BACH2: variants seen among roughly 807,000 people sequenced by gnomAD.
The protein encoded by BACH2 is transcription regulator protein BACH2.
Under a neutral mutation model 61.8 loss-of-function variants are expected in BACH2, and 5 were observed. The ratio of observed to expected loss-of-function variants is 0.08; its 90% CI spans 0.04 to 0.17. BACH2 has a LOEUF of 0.17. BACH2 is among the 10% of genes least tolerant of loss of function. The pLI is 1.00. For missense variants in BACH2, 824 were observed against 1,091.1 expected, an observed-to-expected ratio of 0.76 and a Z score of 3.45; for synonymous variants, 446 against 440.1, an observed-to-expected ratio of 1.01 and a Z score of -0.17.
intron 4 of BACH2, among the ~76,000 whole-genome samples, chr6:90,117,980 T>C (rs965136086): frequency 2.0e-5 from 3 of 152,190 alleles, no homozygotes; most frequent in Admixed American, 2.0e-4. Flanking sequence ...TTAACAAGCA[T>C]CTAACTTATA....
Position 89,951,324 on chromosome 6 carries a change from T to C in BACH2, c.782A>G (p.Asn261Ser), listed in dbSNP as rs772104897. 3.7e-6 allele frequency: 6 copies of C among 1,614,168 alleles called. No homozygotes were observed. The highest frequency in any genetic ancestry group is 5.1e-6 in the Non-Finnish European group (6 of 1,180,022). ...SGFASTFREDNSSNSLKPGLA... is the reference protein window; with the variant it reads ...SGFASTFREDSSSNSLKPGLA... ...CCCCGGCTTGAGGCTGTTGCTAGAG[T>C]TATCTTCCCGGAATGTGCTTGCAAA... Residue 261 changes from asparagine (N) to serine (S), a missense_variant, in exon 7 of 9, where the codon AAC (asparagine) becomes AGC (serine). Around this residue, in one of 8 missense-constraint regions of BACH2, gnomAD observed 226 missense variants for 228.5 expected, o/e 0.99. Transcript: ENST00000257749. The surrounding 1 kb of genome is among the most constrained non-coding windows in gnomAD (Gnocchi z 6.4).
At chr6:90,045,079 G>T (rs1019513652) in intron 5 of BACH2, among the ~76,000 whole-genome samples, 1 of 152,216 alleles carries the variant, frequency 6.6e-6, no homozygotes, top group Non-Finnish European at 1.5e-5. Flanking sequence ...GCTCAGGAAG[G>T]AAACTGTTAT....
intron 4 of BACH2, among the ~76,000 whole-genome samples, chr6:90,093,748 T>A (rs1486929071): frequency 6.6e-6 from 1 of 152,164 alleles, no homozygotes; most frequent in African/African-American, 2.4e-5. Context: ...CATGTTTAGG[T>A]GTCTCAGAAC....
At chr6:90,188,734 G>C (rs1273385513) in intron 4 of BACH2, among the ~76,000 whole-genome samples, 1 of 117,438 alleles carries the variant, frequency 8.5e-6, no homozygotes, top group African/African-American at 3.3e-5. Flanking sequence ...TACCAATCTA[G>C]TAATAAGGTC....
intron 5 of BACH2, among the ~76,000 whole-genome samples, chr6:90,083,838 T>C (rs577808592): frequency 6.6e-6 from 1 of 152,326 alleles, no homozygotes; most frequent in Non-Finnish European, 1.5e-5. Flanking sequence ...TTAGACTATT[T>C]GAGGACAAGA....
intron 1 of BACH2, among the ~76,000 whole-genome samples, chr6:90,295,797 T>C (rs1772340278): frequency 6.6e-6 from 1 of 152,194 alleles, no homozygotes; most frequent in Non-Finnish European, 1.5e-5. Context: ...AACCCGATCT[T>C]TCGCTAGGAG....
At chr6:90,053,662 T>A (rs1386916669) in intron 5 of BACH2, among the ~76,000 whole-genome samples, 1 of 152,208 alleles carries the variant, frequency 6.6e-6, no homozygotes, top group Non-Finnish European at 1.5e-5. Flanking sequence ...AGAAAATACT[T>A]CACTCTCATT....
chr6:90,261,400 AC>A (rs781315969), intron 2 of BACH2, among the ~76,000 whole-genome samples: 2 of 152,070 alleles, frequency 1.3e-5, no homozygotes, highest in Non-Finnish European at 2.9e-5. Flanking sequence ...TTCCTTGACA[AC>A]TCTTGCTCTC....
rs144040366 is a variant in BACH2 at position 90,269,821 on chromosome 6, C to T, written c.-353+2028G>A. On this transcript the variant is annotated intron_variant, in intron 2 of 8. Transcript: ENST00000257749. ...TGATGGCCCCGGTGAGTGGGACACACGCTGGGCAGCTGTGTGAACTTTTAA... is the reference window on the plus strand; with the variant it reads ...TGATGGCCCCGGTGAGTGGGACACATGCTGGGCAGCTGTGTGAACTTTTAA... Among the ~76,000 whole-genome samples the T allele has an allele frequency of 6.5e-3, 991 of 152,266 alleles. 16 individuals carry two copies. Among genetic ancestry groups the T allele is most frequent in the Non-Finnish European group, 7.3e-3 (498 of 68,038 alleles).
At chr6:90,224,945 A>T (rs1472854082) in intron 3 of BACH2, among the ~76,000 whole-genome samples, 1 of 152,216 alleles carries the variant, frequency 6.6e-6, no homozygotes, top group Non-Finnish European at 1.5e-5. Context: ...AGAATTTAAA[A>T]GGCTGGGACC....
In BACH2 at chr6:90,009,000, A is replaced by G. The variant is rs927399237; in HGVS notation, c.-12-144T>C. The G allele has an allele frequency of 3.8e-5, 38 of 996,802 alleles. No homozygotes were observed. In the African/African-American group the frequency reaches 4.6e-4, roughly 12 times the overall value. The allele number at this position is 996,802 out of a possible 1,614,324, so 61.7% of individuals were successfully genotyped here. A position where few individuals can be genotyped will look rare whatever the true frequency, so the allele number is the denominator to read the frequency against. On this transcript the variant is annotated intron_variant, in intron 5 of 8. Coordinates refer to ENST00000257749, the MANE Select transcript of BACH2 (RefSeq NM_021813.4). This position sits in a 1 kb window ranked among gnomAD's most constrained non-coding sequence, Gnocchi z 4.1. ...ATGGCAGGAAGGAGGGGAATTACCA[A>G]TCAGCATATTTGTGCTTACTCTGTA...
chr6:89,947,783 G>A (rs1034138607), intron 7 of BACH2, among the ~76,000 whole-genome samples: 8 of 151,982 alleles, frequency 5.3e-5, no homozygotes, highest in Non-Finnish European at 5.9e-5. Flanking sequence ...GTGTTAGCCA[G>A]GATGGTCTCG....
At chr6:90,067,302 T>C (rs1466608640) in intron 5 of BACH2, among the ~76,000 whole-genome samples, 1 of 152,144 alleles carries the variant, frequency 6.6e-6, no homozygotes. Context: ...AGTTTGGCTG[T>C]TGCAAGGTGG....
chr6:90,020,660 C>T (rs909099923), intron 5 of BACH2, among the ~76,000 whole-genome samples: 4 of 150,688 alleles, frequency 2.7e-5, no homozygotes, highest in African/African-American at 9.8e-5. Flanking sequence ...GACAGGTGCT[C>T]TTCTATGAAC....
chr6:90,109,914 A>C (rs1007698863), intron 4 of BACH2, among the ~76,000 whole-genome samples: 4 of 152,208 alleles, frequency 2.6e-5, no homozygotes, highest in Non-Finnish European at 5.9e-5. Context: ...CCATATTAGA[A>C]ATTAAAACAA....
At chr6:90,218,482 C>T (rs931233113) in intron 3 of BACH2, among the ~76,000 whole-genome samples, 6 of 151,750 alleles carry the variant, frequency 4.0e-5, no homozygotes, top group African/African-American at 1.5e-4. Flanking sequence ...CCTCTTCCCC[C>T]ACCCTCCTCT....
chr6:90,123,743 C>T lies in BACH2; in HGVS notation c.-161-34634G>A, dbSNP rs374474215. Among the ~76,000 whole-genome samples the T allele has an allele frequency of 1.7e-3, 209 of 120,332 alleles. 2 individuals carry two copies. The South Asian group carries it at 0.036, about 21-fold the overall frequency. The allele number at this position is 120,332 out of a possible 152,430, so 78.9% of individuals were successfully genotyped here. On this transcript the variant is annotated intron_variant, in intron 4 of 8. Transcript: ENST00000257749. ...CGAGATCCCGCCACTGCACTCCAGC[C>T]TGGGCGACAGAGCGAGACTCCGTCT...
At chr6:90,131,674 A>G (rs999163652) in intron 4 of BACH2, among the ~76,000 whole-genome samples, 1 of 152,214 alleles carries the variant, frequency 6.6e-6, no homozygotes, top group Non-Finnish European at 1.5e-5. Flanking sequence ...GGGCTGAACT[A>G]AAGTTTAAAG....
chr6:90,195,245 C>T (rs577637899), intron 4 of BACH2, among the ~76,000 whole-genome samples: 40 of 152,252 alleles, frequency 2.6e-4, no homozygotes, highest in African/African-American at 9.1e-4. Context: ...TTGTGAATGT[C>T]AGGGCTGTCA....
Sources: allele counts gnomAD v4.1 joint callset (sites outside exome capture counted in the v4.1 genomes callset), GRCh38; gene constraint gnomAD v4.1.1; regional missense constraint gnomAD v4.1.1; non-coding constraint Gnocchi (gnomAD v3.1); transcripts MANE v1.5; gene names NCBI Gene and HGNC (gene_info 2026-07-23, HGNC 2026-07-21).